SPACA7: variants seen among roughly 807,000 people sequenced by gnomAD.
The protein encoded by SPACA7 is sperm acrosome-associated protein 7.
SPACA7 carries 19 observed loss-of-function variants against 26.3 expected under a neutral mutation model. The observed-to-expected ratio is 0.72, with a 90% CI of 0.50 to 1.06. The LOEUF (loss-of-function observed/expected upper bound fraction) is 1.06, where lower values mean the gene tolerates loss of function less well. Ranked by LOEUF, SPACA7 falls within the 50% of genes least tolerant of loss-of-function variation. The pLI is 0.00. For missense variants in SPACA7, 211 were observed against 229.9 expected, an observed-to-expected ratio of 0.92 and a Z score of 0.53; for synonymous variants, 84 against 84.5, an observed-to-expected ratio of 0.99 and a Z score of 0.04.
intron 5 of SPACA7, among the ~76,000 whole-genome samples, chr13:112,410,090 A>G (rs950671178): frequency 5.9e-5 from 9 of 152,178 alleles, no homozygotes; most frequent in Non-Finnish European, 1.5e-5. Flanking sequence ...ACTGGAAACC[A>G]TCATTCTCAT....
chr13:112,414,388 C>CTTTTTTTTTTTTTTTCTTT (rs1886546162), intron 5 of SPACA7, among the ~76,000 whole-genome samples: 1 of 31,376 alleles, frequency 3.2e-5, no homozygotes, highest in Non-Finnish European at 5.8e-5. Flanking sequence ...TTTTCTGTGT[C>CTTTTTTTTTTTTTTTCTTT]TTTTTTTTTT....
At chr13:112,402,771 T>A (rs906837185) in intron 5 of SPACA7, among the ~76,000 whole-genome samples, 1 of 152,178 alleles carries the variant, frequency 6.6e-6, no homozygotes, top group African/African-American at 2.4e-5. Flanking sequence ...TTTCTTTAGA[T>A]CTATTAAATA....
rs182394702 is a variant in SPACA7, at chr13:112,424,417, G to A, written c.446-8027G>A. 2.0e-3 allele frequency among the ~76,000 whole-genome samples: 301 copies of A among 152,254 alleles called. 3 individuals are homozygous for A. The highest frequency in any genetic ancestry group is 7.0e-3 in the African/African-American group (291 of 41,544). Reference sequence around the variant, plus strand: ...ATGCGTCAGGAATGAGAGCTGGCCCGGGCCAGGGAGGATCTGGATGATCTA... The same window carrying A: ...ATGCGTCAGGAATGAGAGCTGGCCCAGGCCAGGGAGGATCTGGATGATCTA... On this transcript the variant is annotated intron_variant, in intron 5 of 6. Transcript: ENST00000283550.
chr13:112,417,879 A>C (rs1325829810), intron 5 of SPACA7, among the ~76,000 whole-genome samples: 7 of 151,978 alleles, frequency 4.6e-5, no homozygotes, highest in Non-Finnish European at 8.8e-5. Context: ...ATAACTTTTA[A>C]ATTTTTATTA....
At chr13:112,388,645 G>A (rs1260529717) in intron 1 of SPACA7, among the ~76,000 whole-genome samples, 2 of 152,358 alleles carry the variant, frequency 1.3e-5, no homozygotes, top group African/African-American at 4.8e-5. Flanking sequence ...CACCCAAGGG[G>A]TTCACTTTGC....
intron 5 of SPACA7, among the ~76,000 whole-genome samples, chr13:112,419,865 C>T (rs139099308): frequency 1.4e-3 from 207 of 152,314 alleles, no homozygotes; most frequent in Admixed American, 3.3e-3. Context: ...AAGGGAAGAA[C>T]TGAGAAAGAA....
chr13:112,397,021 G>A (rs17122648), intron 2 of SPACA7, among the ~76,000 whole-genome samples: 33,360 of 152,196 alleles, frequency 0.22, 3,844 homozygotes, highest in South Asian at 0.37. Context: ...CCCGGCTGCA[G>A]GGGGCCTCAC....
At chr13:112,405,629 T>C (rs995396286) in intron 5 of SPACA7, among the ~76,000 whole-genome samples, 3 of 152,212 alleles carry the variant, frequency 2.0e-5, no homozygotes, top group African/African-American at 7.2e-5. Context: ...GAAACAGGTG[T>C]ATTCTCCAGT....
intron 5 of SPACA7, among the ~76,000 whole-genome samples, chr13:112,405,666 G>T (rs1885942024): frequency 6.6e-6 from 1 of 152,258 alleles, no homozygotes. Context: ...AATCTGGTGT[G>T]TGTTAATAAC....
At chr13:112,407,548 A>C (rs9550073) in intron 5 of SPACA7, among the ~76,000 whole-genome samples, 99,772 of 152,004 alleles carry the variant, frequency 0.66, 33,277 homozygotes, top group African/African-American at 0.78. Flanking sequence ...CACCACCGAT[A>C]CCAAAGAAAT....
intron 1 of SPACA7, among the ~76,000 whole-genome samples, chr13:112,385,333 G>T (rs532840567): frequency 6.6e-6 from 1 of 151,604 alleles, no homozygotes; most frequent in Non-Finnish European, 1.5e-5. Context: ...CCAAAAACAC[G>T]TTCCCTACAC....
chr13:112,378,041 CA>C (rs1318334918), intron 1 of SPACA7, among the ~76,000 whole-genome samples: 1 of 152,174 alleles, frequency 6.6e-6, no homozygotes, highest in Non-Finnish European at 1.5e-5. Context: ...TCATGACCAT[CA>C]GAGCCACAGT....
chr13:112,396,646 G>C (rs1169496978), intron 2 of SPACA7, among the ~76,000 whole-genome samples: 2 of 152,216 alleles, frequency 1.3e-5, no homozygotes, highest in African/African-American at 4.8e-5. Context: ...CACCATGACT[G>C]TTTAGGAACT....
intron 5 of SPACA7, among the ~76,000 whole-genome samples, chr13:112,402,938 C>G (rs1190832807): frequency 6.6e-6 from 1 of 151,934 alleles, no homozygotes; most frequent in Non-Finnish European, 1.5e-5. Flanking sequence ...ACAAATGACT[C>G]TAGTCTATGG....
At chr13:112,430,832 G>A (rs1169789005) in intron 5 of SPACA7, among the ~76,000 whole-genome samples, 1 of 152,146 alleles carries the variant, frequency 6.6e-6, no homozygotes, top group African/African-American at 2.4e-5. Context: ...TTACAAATAA[G>A]CAAACTAAAG....
intron 5 of SPACA7, among the ~76,000 whole-genome samples, chr13:112,427,728 TAGAG>T (rs1172455709): frequency 6.6e-6 from 1 of 152,224 alleles, no homozygotes; most frequent in African/African-American, 2.4e-5. Flanking sequence ...ATTTAATAGA[TAGAG>T]AGCTATTTTG....
chr13:112,380,134 G>A (rs1883950983), intron 1 of SPACA7, among the ~76,000 whole-genome samples: 1 of 152,172 alleles, frequency 6.6e-6, no homozygotes, highest in Admixed American at 6.5e-5. Context: ...AACAGACCAG[G>A]CCTGGCGTGG....
At chr13:112,424,646 G>A (rs1489674884) in intron 5 of SPACA7, among the ~76,000 whole-genome samples, 1 of 152,100 alleles carries the variant, frequency 6.6e-6, no homozygotes, top group African/African-American at 2.4e-5. Flanking sequence ...GCCAATTATT[G>A]CTTTGCTTCC....
At chr13:112,390,153 A>C (rs1884786279) in intron 1 of SPACA7, among the ~76,000 whole-genome samples, 1 of 151,838 alleles carries the variant, frequency 6.6e-6, no homozygotes, top group African/African-American at 2.4e-5. Context: ...GGAGGAGTGG[A>C]GGCCCAGGGG....
Sources: gnomAD v4.1 joint callset for allele counts (sites outside exome capture counted in the v4.1 genomes callset) on GRCh38, gnomAD v4.1.1 for gene constraint, MANE v1.5 for transcripts, NCBI Gene and HGNC (gene_info 2026-07-23, HGNC 2026-07-21) for gene names.